The following CSMD1 variants were observed in gnomAD, a reference collection of about 807,000 sequenced individuals.
The protein encoded by CSMD1 is CUB and sushi domain-containing protein 1.
Under a neutral mutation model 417.5 loss-of-function variants are expected in CSMD1, and 213 were observed. The ratio of observed to expected loss-of-function variants is 0.51; its 90% CI spans 0.46 to 0.57. The LOEUF is 0.57. Among genes scored for constraint, CSMD1 ranks in the 20% least tolerant of loss-of-function variants. The probability of loss-of-function intolerance (pLI) is 0.00; values close to 1 mark genes in which losing one functional copy is unlikely to be tolerated. For missense variants in CSMD1, 6,923 were observed against 4,529.7 expected, an observed-to-expected ratio of 1.53 and a Z score of -15.17; for synonymous variants, 2,862 against 1,736.8, an observed-to-expected ratio of 1.65 and a Z score of -16.11.
chr8:3,314,667 A>C (rs117419334), intron 23 of CSMD1, among the ~76,000 whole-genome samples: 1 of 152,254 alleles, frequency 6.6e-6, no homozygotes, highest in South Asian at 2.1e-4. Flanking sequence ...AACAAGCTCC[A>C]AACATTCAGC....
At chr8:3,515,353 C>T (rs1201496221) in intron 10 of CSMD1, 1 of 152,182 alleles carries the variant, frequency 6.6e-6, no homozygotes, top group African/African-American at 2.4e-5. Context: ...TACAGATCAC[C>T]ACTGTGCAAG....
intron 2 of CSMD1, among the ~76,000 whole-genome samples, chr8:4,564,851 G>C (rs984424393): frequency 2.6e-5 from 4 of 152,162 alleles, no homozygotes; most frequent in African/African-American, 4.8e-5. Context: ...CATTTACTTT[G>C]CTGCTTACTA....
rs953695161 is a variant in CSMD1, at chr8:3,408,150, T to C, written c.1820A>G (p.Asn607Ser). 1 of 1,613,488 alleles carries C rather than the reference T, an allele frequency of 6.2e-7. No individual in the cohort carries two copies. Among genetic ancestry groups the C allele is most frequent in the Non-Finnish European group, 8.5e-7 (1 of 1,179,622 alleles). ...GATAATCAACCAGACACAGTTCATG[T>C]TGTTCCCATATTCCTCTGGATAATT... ...SPNYPEEYGN[N>S]MNCVWLIISE... The change falls in exon 14 of 70, where the codon AAC (asparagine) becomes AGC (serine). Residue 607 changes from asparagine to serine, a missense_variant. Physicochemically the swap from Asn to Ser is conservative, Grantham distance 46. Coordinates refer to ENST00000635120, the MANE Select transcript of CSMD1 (RefSeq NM_033225.6).
At chr8:3,095,198 A>T (rs1815211825) in intron 47 of CSMD1, among the ~76,000 whole-genome samples, 1 of 152,176 alleles carries the variant, frequency 6.6e-6, no homozygotes, top group Non-Finnish European at 1.5e-5. Context: ...AATTAAATAT[A>T]CTTTTATGTC....
chr8:2,942,395 C>T, intron 69 of CSMD1, 77 bp downstream of exon 69: 2 of 1,256,780 alleles, frequency 1.6e-6, no homozygotes, highest in East Asian at 2.4e-5. Flanking sequence ...TGCATGTGAG[C>T]ACGAGAGCAT....
intron 5 of CSMD1, among the ~76,000 whole-genome samples, chr8:3,888,706 C>A (rs1286247358): frequency 2.0e-5 from 3 of 152,152 alleles, no homozygotes; most frequent in African/African-American, 2.4e-5. Flanking sequence ...AGAGATGGTG[C>A]TGCTGGCTGA....
At chr8:4,971,307 G>C (rs1003254815) in intron 1 of CSMD1, among the ~76,000 whole-genome samples, 12 of 151,986 alleles carry the variant, frequency 7.9e-5, no homozygotes, top group African/African-American at 2.9e-4. Context: ...ACACATTCAT[G>C]CTTAAATCAT....
chr8:4,328,977 A>T (rs558174473), intron 3 of CSMD1, among the ~76,000 whole-genome samples: 3 of 152,180 alleles, frequency 2.0e-5, no homozygotes, highest in African/African-American at 7.2e-5. Flanking sequence ...CTCTTCTGTG[A>T]TATTTATTTT....
chr8:3,762,656 G>A (rs909840737), intron 5 of CSMD1, among the ~76,000 whole-genome samples: 16 of 152,202 alleles, frequency 1.1e-4, no homozygotes, highest in African/African-American at 3.4e-4. Flanking sequence ...CCCTGCTGAC[G>A]CCGTACAGGC....
At chr8:4,400,905 T>C (rs183473356) in intron 3 of CSMD1, among the ~76,000 whole-genome samples, 13 of 152,242 alleles carry the variant, frequency 8.5e-5, no homozygotes, top group Admixed American at 2.6e-4. Context: ...CTTTTGTATA[T>C]TGCAATGACT....
At chr8:3,629,815 C>G (rs867628851) in intron 7 of CSMD1, among the ~76,000 whole-genome samples, 9 of 152,302 alleles carry the variant, frequency 5.9e-5, no homozygotes, top group Middle Eastern at 3.4e-3. Context: ...AAAGACATAA[C>G]TTCGGTCCGT....
rs570095153 is a variant in CSMD1, at chr8:3,793,510, G to T, written c.819-39468C>A. Among the ~76,000 whole-genome samples the T allele has an allele frequency of 2.7e-5, 4 of 147,470 alleles. No individual in the cohort carries two copies. In the East Asian group the frequency reaches 8.1e-4, roughly 30 times the overall value. On this transcript the variant is annotated intron_variant, in intron 5 of 69. Transcript: ENST00000635120. ...CAGCCCTCTTGTGCCCCCCTCTCTA[G>T]GTGGATCTCTGGATTCGATCTCTGG...
chr8:4,101,607 G>A (rs1801308756), intron 3 of CSMD1, among the ~76,000 whole-genome samples: 1 of 152,182 alleles, frequency 6.6e-6, no homozygotes, highest in African/African-American at 2.4e-5. Context: ...CAACCCAAAT[G>A]TAGGAGGACC....
At chr8:3,850,065 G>C (rs904472126) in intron 5 of CSMD1, among the ~76,000 whole-genome samples, 4 of 152,094 alleles carry the variant, frequency 2.6e-5, no homozygotes, top group Admixed American at 1.3e-4. Flanking sequence ...CAAAGTGTTG[G>C]GATTACAGGC....
intron 5 of CSMD1, among the ~76,000 whole-genome samples, chr8:3,769,750 ATGGCAATT>A (rs1798471178): frequency 1.3e-5 from 2 of 152,162 alleles, no homozygotes; most frequent in South Asian, 4.1e-4. Flanking sequence ...ATGTCCTGCT[ATGGCAATT>A]TGGTATTATT....
At chr8:3,729,532 T>A (rs1282605461) in intron 6 of CSMD1, among the ~76,000 whole-genome samples, 1 of 152,162 alleles carries the variant, frequency 6.6e-6, no homozygotes, top group East Asian at 1.9e-4. Context: ...CCAAGAGGAA[T>A]CGAAGTGGGC....
At chr8:4,429,516 T>C (rs970741389) in intron 2 of CSMD1, among the ~76,000 whole-genome samples, 6 of 152,182 alleles carry the variant, frequency 3.9e-5, no homozygotes, top group Non-Finnish European at 2.9e-5. Flanking sequence ...ATTTGTAGAA[T>C]TCAAGTTGGA....
In CSMD1 at chr8:3,008,066, A is replaced by G. The variant is rs141802505; in HGVS notation, c.8030-7935T>C. On this transcript the variant is annotated intron_variant, in intron 52 of 69. Transcript: ENST00000635120. ...CTCTAAAATTGGATTTGAAATAAAT[A>G]AAAGCTACCAAACATTTGAACAAAG... Among the ~76,000 whole-genome samples, 527 of 152,376 alleles carry G rather than the reference A, an allele frequency of 3.5e-3. 3 individuals are homozygous for G. Among genetic ancestry groups the G allele is most frequent in the African/African-American group, 0.012 (484 of 41,588 alleles).
chr8:4,747,169 G>C (rs894346704), intron 1 of CSMD1, among the ~76,000 whole-genome samples: 5 of 152,182 alleles, frequency 3.3e-5, no homozygotes, highest in African/African-American at 7.2e-5. Flanking sequence ...TATAGGGGGA[G>C]AGGAAAGGAG....
Sources: allele counts gnomAD v4.1 joint callset (sites outside exome capture counted in the v4.1 genomes callset), GRCh38; gene constraint gnomAD v4.1.1; transcripts MANE v1.5; gene names NCBI Gene and HGNC (gene_info 2026-07-23, HGNC 2026-07-21).